The following CDC123 variants were observed in gnomAD, a reference collection of about 807,000 sequenced individuals.
CDC123 encodes cell division cycle 123, also known as translation initiation factor eIF2 assembly protein.
In CDC123, 37 loss-of-function variants were observed where a neutral mutation model predicts 54.4. The ratio of observed to expected loss-of-function variants is 0.68; its 90% confidence interval spans 0.52 to 0.89. The LOEUF is 0.89. Ranked by LOEUF, CDC123 falls within the 40% of genes least tolerant of loss-of-function variation. The pLI is 0.00. For missense variants in CDC123, 361 were observed against 412.1 expected, an observed-to-expected ratio of 0.88 and a Z score of 1.07; for synonymous variants, 144 against 136.8, an observed-to-expected ratio of 1.05 and a Z score of -0.37.
intron 6 of CDC123, among the ~76,000 whole-genome samples, chr10:12,224,233 CA>C (rs1835775506): frequency 6.7e-6 from 1 of 149,232 alleles, no homozygotes; most frequent in Admixed American, 6.7e-5. Flanking sequence ...GATTAGTCAT[CA>C]GTACTAGTTA....
intron 6 of CDC123, among the ~76,000 whole-genome samples, chr10:12,223,171 G>A (rs1835760284): frequency 6.6e-6 from 1 of 152,204 alleles, no homozygotes. Context: ...TGGGATTACA[G>A]GCTTGAGCCA....
intron 2 of CDC123, among the ~76,000 whole-genome samples, chr10:12,201,534 A>G (rs941943072): frequency 1.2e-4 from 18 of 152,164 alleles, no homozygotes; most frequent in Admixed American, 4.6e-4. Context: ...TGAAGGCTCT[A>G]GGCCTGGAAG....
intron 2 of CDC123, among the ~76,000 whole-genome samples, chr10:12,206,778 G>GA (rs1482571894): frequency 6.6e-6 from 1 of 152,114 alleles, no homozygotes; most frequent in Non-Finnish European, 1.5e-5. Flanking sequence ...CCAACACGGT[G>GA]AAACCCCATC....
rs1304556319 is a variant in CDC123, at chr10:12,228,425, A to G, written c.441-2523A>G. On this transcript the variant is annotated intron_variant, in intron 6 of 12. Coordinates refer to ENST00000281141, the MANE Select transcript of CDC123 (RefSeq NM_006023.3). Reference sequence around the variant, plus strand: ...TTGTTTTTAGTTTTTTTTTTTTTTGAAACGGTGTCTTACTCGGTCACCCAG... The same window carrying G: ...TTGTTTTTAGTTTTTTTTTTTTTTGGAACGGTGTCTTACTCGGTCACCCAG... Among the ~76,000 whole-genome samples the G allele has an allele frequency of 6.6e-5, 9 of 135,752 alleles. No homozygotes were observed. The Admixed American group carries it at 6.9e-4, about 10-fold the overall frequency. 89.1% of individuals were successfully genotyped at this position (135,752 alleles called of 152,430 possible). A position where few individuals can be genotyped will look rare whatever the true frequency, so the allele number is the denominator to read the frequency against.
At chr10:12,244,163 A>G (rs1836096914) in intron 10 of CDC123, among the ~76,000 whole-genome samples, 1 of 152,244 alleles carries the variant, frequency 6.6e-6, no homozygotes, top group Non-Finnish European at 1.5e-5. Flanking sequence ...CATCTTTCTT[A>G]ACAGTTTGCT....
chr10:12,238,040 A>G (rs1346654208), intron 9 of CDC123, among the ~76,000 whole-genome samples: 1 of 152,224 alleles, frequency 6.6e-6, no homozygotes, highest in Non-Finnish European at 1.5e-5. Flanking sequence ...TTAAAATAAG[A>G]TGAATCATGC....
intron 1 of CDC123, 69 bp downstream of exon 1, chr10:12,196,388 G>A: frequency 6.2e-7 from 1 of 1,605,528 alleles, no homozygotes; most frequent in Non-Finnish European, 8.5e-7. Flanking sequence ...GAATCTTACT[G>A]CTATCCAAAA....
chr10:12,220,945 T>C (rs1289444328), intron 6 of CDC123, among the ~76,000 whole-genome samples: 4 of 151,560 alleles, frequency 2.6e-5, no homozygotes, highest in Admixed American at 2.0e-4. Context: ...CCACTGCACT[T>C]CAGCCTGGGC....
intron 2 of CDC123, among the ~76,000 whole-genome samples, chr10:12,207,579 T>A (rs1051718860): frequency 6.6e-6 from 1 of 152,116 alleles, no homozygotes; most frequent in Non-Finnish European, 1.5e-5. Context: ...TGTACCTGGG[T>A]GGAGCTTGAT....
chr10:12,230,346 C>A (rs988969172), intron 6 of CDC123, among the ~76,000 whole-genome samples: 1 of 152,086 alleles, frequency 6.6e-6, no homozygotes, highest in Non-Finnish European at 1.5e-5. Context: ...GCGTCCACCA[C>A]CACAGCCGGC....
intron 2 of CDC123, 101 bp downstream of exon 2, chr10:12,198,877 C>G (rs2131728338): frequency 1.5e-6 from 1 of 687,836 alleles, no homozygotes; most frequent in East Asian, 2.6e-5. Context: ...AGCTCTTTTT[C>G]TCTCCTAGCC....
chr10:12,228,429 G>A (rs534257934), intron 6 of CDC123, among the ~76,000 whole-genome samples: 76 of 149,220 alleles, frequency 5.1e-4, no homozygotes, highest in Non-Finnish European at 5.5e-4. Context: ...TTTTTGAAAC[G>A]GTGTCTTACT....
intron 11 of CDC123, among the ~76,000 whole-genome samples, chr10:12,249,345 C>T (rs1304425819): frequency 2.0e-5 from 3 of 152,084 alleles, no homozygotes; most frequent in African/African-American, 7.2e-5. Context: ...GGCTGAAGTG[C>T]GAGGTTCACC....
intron 11 of CDC123, among the ~76,000 whole-genome samples, chr10:12,248,940 A>C (rs548068814): frequency 2.0e-5 from 3 of 151,458 alleles, no homozygotes; most frequent in Non-Finnish European, 2.9e-5. Flanking sequence ...TGAAATCCCT[A>C]TCTCTACTAA....
chr10:12,229,513 C>T (rs1218416819), intron 6 of CDC123, among the ~76,000 whole-genome samples: 5 of 152,200 alleles, frequency 3.3e-5, no homozygotes, highest in Admixed American at 6.5e-5. Context: ...TGCCTTAGCA[C>T]GTTTCTCCGT....
intron 10 of CDC123, chr10:12,245,258 CT>C (rs34198401): frequency 1 from 150,182 of 150,480 alleles, 74,946 homozygotes; most frequent in Middle Eastern, 1. Flanking sequence ...ATCTTTTTTT[CT>C]TTTTTTTTTG....
chr10:12,198,290 C>T (rs1159202317), intron 1 of CDC123, among the ~76,000 whole-genome samples: 1 of 152,218 alleles, frequency 6.6e-6, no homozygotes, highest in Non-Finnish European at 1.5e-5. Flanking sequence ...GATCTTGACT[C>T]TACTTCTGCC....
At chr10:12,248,407 G>T (rs1219520595) in intron 11 of CDC123, among the ~76,000 whole-genome samples, 1 of 151,870 alleles carries the variant, frequency 6.6e-6, no homozygotes, top group Non-Finnish European at 1.5e-5. Flanking sequence ...TACTTGGGAG[G>T]CTGAGGCAGG....
intron 2 of CDC123, among the ~76,000 whole-genome samples, chr10:12,207,604 G>A (rs1342798512): frequency 6.6e-6 from 1 of 152,166 alleles, no homozygotes; most frequent in Admixed American, 6.6e-5. Context: ...GAGGATGCCA[G>A]CAGGCAGCAA....
Sources: gnomAD v4.1 joint callset for allele counts (sites outside exome capture counted in the v4.1 genomes callset) on GRCh38, gnomAD v4.1.1 for gene constraint, MANE v1.5 for transcripts, NCBI Gene and HGNC (gene_info 2026-07-23, HGNC 2026-07-21) for gene names.